The following SEC14L1 variants were observed in gnomAD, a reference collection of about 807,000 sequenced individuals.
SEC14L1 encodes SEC14 like lipid binding 1, also known as SEC14-like protein 1.
A neutral mutation model predicts 85.3 loss-of-function variants in SEC14L1; 48 were observed. The observed-to-expected ratio is 0.56, with a 90% confidence interval of 0.45 to 0.72. The LOEUF (loss-of-function observed/expected upper bound fraction) is 0.72, where lower values mean the gene tolerates loss of function less well. Ranked by LOEUF, SEC14L1 falls within the 30% of genes least tolerant of loss-of-function variation. The pLI, the probability that SEC14L1 is intolerant of heterozygous loss-of-function variation, is 0.00. For synonymous variants in SEC14L1, 391 were observed against 355.5 expected (o/e 1.10, Z -1.12); for missense variants, 682 against 921.4 (o/e 0.74, Z 3.36).
intron 7 of SEC14L1, among the ~76,000 whole-genome samples, chr17:77,195,223 T>G (rs1347685218): frequency 6.6e-6 from 1 of 152,178 alleles, no homozygotes; most frequent in Non-Finnish European, 1.5e-5. Flanking sequence ...CTTGAACTCC[T>G]GGGCTCAAGC....
chr17:77,143,014 C>T (rs1363278126), intron 2 of SEC14L1, among the ~76,000 whole-genome samples: 1 of 152,250 alleles, frequency 6.6e-6, no homozygotes, highest in African/African-American at 2.4e-5. Context: ...GTCGCCAAAG[C>T]TGTAGTGTAC....
At chr17:77,140,841 A>G (rs1231794310), upstream of SEC14L1, 2 of 144,266 alleles carry the variant, frequency 1.4e-5, no homozygotes, top group Admixed American at 6.8e-5. Context: ...CTTTCTTAGC[A>G]ACCATCGCCC....
Position 77,216,069 on chromosome 17 carries a change from C to CTAGTAGGTAGGGT in SEC14L1, c.*2059_*2071dup, listed in dbSNP as rs1977044645. 2.2e-6 allele frequency: 2 copies of CTAGTAGGTAGGGT among 898,034 alleles called. No homozygotes were observed. The highest frequency in any genetic ancestry group is 3.0e-4 in the Admixed American group (2 of 6,754). 55.6% of individuals were successfully genotyped at this position (898,034 alleles called of 1,614,324 possible). Reference sequence around the variant, plus strand: ...TAGTAGGTAGGGCTAGTAGGTAGGGCTAGTAGGTAGGGTTAGTAGGTAGGG... The same window carrying CTAGTAGGTAGGGT: ...TAGTAGGTAGGGCTAGTAGGTAGGGCTAGTAGGTAGGGTTAGTAGGTAGGGTTAGTAGGTAGGG... On this transcript the variant is annotated 3_prime_UTR_variant, in exon 17 of 17. Transcript: ENST00000436233.
intron 2 of SEC14L1, 128 bp from the exon 3 acceptor site, chr17:77,143,439 G>T: frequency 1.8e-6 from 1 of 556,492 alleles, no homozygotes; most frequent in Non-Finnish European, 3.2e-6. Context: ...TCATTTTTGT[G>T]TGCATAGAAT....
At chr17:77,211,755 A>C in intron 14 of SEC14L1, 195 bp from the exon 15 acceptor site, 3 of 668,956 alleles carry the variant, frequency 4.5e-6, no homozygotes. Context: ...TTGGTGCATG[A>C]CATGTAGCAG....
intron 4 of SEC14L1, 47 bp downstream of exon 4, chr17:77,190,999 G>T: frequency 2.5e-6 from 4 of 1,603,468 alleles, no homozygotes; most frequent in Non-Finnish European, 3.4e-6. Context: ...GTCCTGGTGG[G>T]AGAGGGCGTC....
At chr17:77,096,047 C>A (rs1170866571) in intron 3 of SEC14L1, among the ~76,000 whole-genome samples, 2 of 148,550 alleles carry the variant, frequency 1.3e-5, no homozygotes, top group Non-Finnish European at 3.0e-5. Context: ...CAGCTCCTTG[C>A]AGTCAGTCTT....
intron 13 of SEC14L1, among the ~76,000 whole-genome samples, chr17:77,207,381 C>T (rs974277716): frequency 1.3e-5 from 2 of 151,942 alleles, no homozygotes; most frequent in African/African-American, 4.8e-5. Flanking sequence ...TAGGCGTGCA[C>T]CACCATACCC....
In SEC14L1 at chr17:77,209,437, C is replaced by T. The variant is rs1361318977; in HGVS notation, c.1572C>T (p.Ile524=). The T allele has an allele frequency of 1.2e-6, 2 of 1,614,206 alleles. No individual in the cohort carries two copies. Among genetic ancestry groups the T allele is most frequent in the East Asian group, 2.2e-5 (1 of 44,888 alleles). ...ACCTGAAGCTCTGGACTGAGACCAT[C>T]TACCAGTCTGCAAGCGTCTTCAAAG... ...NEDLKLWTET[I]YQSASVFKGA... The change falls in exon 14 of 17, where the codon ATC becomes ATT. Residue 524 remains isoleucine, a synonymous_variant. Transcript: ENST00000436233.
intron 3 of SEC14L1, among the ~76,000 whole-genome samples, chr17:77,111,201 A>G (rs1334520990): frequency 6.6e-6 from 1 of 151,900 alleles, no homozygotes; most frequent in Non-Finnish European, 1.5e-5. Context: ...GAAAAAAAAA[A>G]AAAAAAAATA....
chr17:77,135,937 A>G (rs1972783262), intron 3 of SEC14L1, among the ~76,000 whole-genome samples: 1 of 151,270 alleles, frequency 6.6e-6, no homozygotes, highest in African/African-American at 2.4e-5. Flanking sequence ...CAGTGGCACT[A>G]TCTTGGCTCA....
At chr17:77,099,122 C>T (rs1006387412) in intron 3 of SEC14L1, 2 of 152,110 alleles carry the variant, frequency 1.3e-5, no homozygotes, top group African/African-American at 4.8e-5. Flanking sequence ...AGACTGTCAG[C>T]TGTGGAGGGT....
intron 3 of SEC14L1, among the ~76,000 whole-genome samples, chr17:77,101,203 G>T (rs1301074964): frequency 6.6e-6 from 1 of 151,460 alleles, no homozygotes; most frequent in Non-Finnish European, 1.5e-5. Context: ...TTGAGACAGA[G>T]TCTCGCCCTG....
intron 3 of SEC14L1, among the ~76,000 whole-genome samples, chr17:77,104,623 TCTA>T (rs775961845): frequency 2.5e-4 from 38 of 149,786 alleles, no homozygotes; most frequent in Admixed American, 6.0e-4. Context: ...AACCCCCATC[TCTA>T]CTAAAAATAC....
Position 77,215,819 on chromosome 17 carries a change from G to A in SEC14L1, c.*1796G>A, listed in dbSNP as rs1271801983. On this transcript the variant is annotated 3_prime_UTR_variant, in exon 17 of 17. Transcript: ENST00000436233. The stretch of plus-strand genomic sequence containing the variant: ...TAGGGTTCGTAGGTAGGGCTGGTAG[G>A]TAGGGTTAGTAGGTAGGGCTAGTAG... The A allele has an allele frequency of 5.9e-5, 56 of 947,510 alleles. 1 individual carries two copies. The highest frequency in any genetic ancestry group is 8.4e-5 in the African/African-American group (4 of 47,566). 58.7% of individuals were successfully genotyped at this position (947,510 alleles called of 1,614,324 possible).
chr17:77,109,338 A>C (rs1215513365), intron 3 of SEC14L1, among the ~76,000 whole-genome samples: 1 of 152,150 alleles, frequency 6.6e-6, no homozygotes, highest in Non-Finnish European at 1.5e-5. Flanking sequence ...TCCCAGCCTC[A>C]CGTGATCCTC....
chr17:77,105,140 G>A (rs926709503), intron 3 of SEC14L1, among the ~76,000 whole-genome samples: 7 of 152,058 alleles, frequency 4.6e-5, no homozygotes, highest in African/African-American at 1.7e-4. Context: ...GAGCAGGGGG[G>A]CGACTTTGAA....
intron 8 of SEC14L1, among the ~76,000 whole-genome samples, chr17:77,200,232 T>C (rs915813900): frequency 6.6e-6 from 1 of 152,118 alleles, no homozygotes; most frequent in East Asian, 1.9e-4. Context: ...GGCAGTAATG[T>C]GATCTCGGCT....
At chr17:77,202,582 G>A (rs1976208070) in intron 9 of SEC14L1, among the ~76,000 whole-genome samples, 1 of 152,036 alleles carries the variant, frequency 6.6e-6, no homozygotes, top group Non-Finnish European at 1.5e-5. Flanking sequence ...TCGTGCCAGT[G>A]CACTCCAGCC....
Sources: gnomAD v4.1 joint callset for allele counts (sites outside exome capture counted in the v4.1 genomes callset) on GRCh38, gnomAD v4.1.1 for gene constraint, MANE v1.5 for transcripts, NCBI Gene and HGNC (gene_info 2026-07-23, HGNC 2026-07-21) for gene names.